Variants in DIPK2B observed in about 807,000 individuals in gnomAD.
DIPK2B encodes UPF0672 protein CXorf36.
DIPK2B carries 15 observed loss-of-function variants against 22.2 expected under a neutral mutation model. That is an observed-to-expected ratio of 0.68 (90% confidence interval 0.45 to 1.04). DIPK2B has a LOEUF of 1.04. DIPK2B is among the 50% of genes least tolerant of loss of function. DIPK2B has a pLI of 0.00. For synonymous variants in DIPK2B, 163 were observed against 153.2 expected (o/e 1.06, Z -0.47); for missense variants, 345 against 348.3 (o/e 0.99, Z 0.08).
intron 4 of DIPK2B, 115 bp from the exon 5 acceptor site, chrX:45,152,107 C>T: frequency 1.4e-6 from 1 of 692,293 alleles, no homozygotes; most frequent in Non-Finnish European, 2.1e-6. Context: ...CCTGTAATCC[C>T]AGCACTTTGG....
intron 1 of DIPK2B, among the ~76,000 whole-genome samples, chrX:45,194,722 T>C (rs915344058): frequency 9.0e-6 from 1 of 111,518 alleles, no homozygotes; most frequent in South Asian, 3.8e-4. Flanking sequence ...GATGAGAAAA[T>C]TGAAAAGAGA....
chrX:45,158,258 C>A (rs2047006051), intron 2 of DIPK2B, among the ~76,000 whole-genome samples: 2 of 109,892 alleles, frequency 1.8e-5, no homozygotes, highest in Admixed American at 9.6e-5. Context: ...CAGGAGGGCA[C>A]TGGGCAGGCT....
At chrX:45,169,895 A>G (rs5952705) in intron 2 of DIPK2B, among the ~76,000 whole-genome samples, 33,509 of 110,329 alleles carry the variant, frequency 0.3, 4,560 homozygotes, top group African/African-American at 0.52. Context: ...AGGCTTAATG[A>G]ACACAAAGCA....
intron 2 of DIPK2B, among the ~76,000 whole-genome samples, chrX:45,184,195 G>A (rs1042312966): frequency 2.7e-5 from 3 of 111,304 alleles, no homozygotes; most frequent in Admixed American, 9.6e-5. Flanking sequence ...GTGTATGGGA[G>A]GGCATATGTC....
At chrX:45,161,982 A>G (rs2047024873) in intron 2 of DIPK2B, among the ~76,000 whole-genome samples, 1 of 112,089 alleles carries the variant, frequency 8.9e-6, no homozygotes. Context: ...AAGATGCAAA[A>G]ACATTAAGCC....
intron 2 of DIPK2B, among the ~76,000 whole-genome samples, chrX:45,167,563 AT>A (rs1317734971): frequency 1.1e-4 from 12 of 109,404 alleles, no homozygotes; most frequent in African/African-American, 3.7e-4. Context: ...CAGTACATGA[AT>A]TTTTTTTCTT....
chrX:45,173,135 A>T (rs1392203582), intron 2 of DIPK2B, among the ~76,000 whole-genome samples: 1 of 111,959 alleles, frequency 8.9e-6, no homozygotes, highest in Non-Finnish European at 1.9e-5. Context: ...TTTTGACTTT[A>T]TACAGTCATG....
chrX:45,191,821 C>T lies in DIPK2B; in HGVS notation c.428G>A (p.Arg143His), dbSNP rs144500092. Reference sequence around the variant, plus strand: ...GAACCTCTCTGTTTTCCGCAGGACACGCTCAATGCTGCAGGTCTTTGGGGC... The same window carrying T: ...GAACCTCTCTGTTTTCCGCAGGACATGCTCAATGCTGCAGGTCTTTGGGGC... ...ASAPKTCSIE[R>H]VLRKTERFQK... Residue 143 changes from arginine to histidine, a missense_variant, in exon 2 of 5, where the codon CGT becomes CAT. Coordinates refer to ENST00000398000, the MANE Select transcript of DIPK2B (RefSeq NM_176819.4). 1.7e-5 allele frequency: 21 copies of T among 1,210,583 alleles called. No homozygotes were observed. Among genetic ancestry groups the T allele is most frequent in the African/African-American group, 5.2e-5 (3 of 57,341 alleles).
In DIPK2B at chrX:45,157,884, A is replaced by G. The variant is rs1327176846; in HGVS notation, c.503T>C (p.Leu168Pro). 7 of 1,126,042 alleles carry G rather than the reference A, an allele frequency of 6.2e-6. No homozygotes were observed. The highest frequency in any genetic ancestry group is 1.8e-5 in the African/African-American group (1 of 54,127). 92.8% of individuals were successfully genotyped at this position (1,126,042 alleles called of 1,213,427 possible). A position where few individuals can be genotyped will look rare whatever the true frequency, so the allele number is the denominator to read the frequency against. Reference protein sequence around the residue: ...KRLTPDLVQGLASPLLRCPSQ... With the variant: ...KRLTPDLVQGPASPLLRCPSQ... ...AGGGCAGCGCAGGAGCGGGCTGGCC[A>G]GGCCCTACGCGCAGGTGGGAGAGAG... The change falls in exon 3 of 5, where the codon CTG becomes CCG. Residue 168 changes from leucine (L) to proline (P), a missense_variant. Coordinates refer to ENST00000398000, the MANE Select transcript of DIPK2B (RefSeq NM_176819.4).
chrX:45,177,916 TTTTC>T (rs1266425745), intron 2 of DIPK2B, among the ~76,000 whole-genome samples: 3 of 111,918 alleles, frequency 2.7e-5, no homozygotes, highest in African/African-American at 9.7e-5. Flanking sequence ...TCATTTATTC[TTTTC>T]TTTATTTCCC....
At chrX:45,197,387 G>A (rs1569545773) in intron 1 of DIPK2B, among the ~76,000 whole-genome samples, 4 of 111,333 alleles carry the variant, frequency 3.6e-5, no homozygotes, top group Admixed American at 9.5e-5. Context: ...ATAGGCGTGC[G>A]CCGCCATGTC....
intron 2 of DIPK2B, among the ~76,000 whole-genome samples, chrX:45,189,613 C>CAACAAACA (rs36017892): frequency 1.7e-4 from 18 of 106,344 alleles, no homozygotes; most frequent in Non-Finnish European, 3.1e-4. Context: ...AACTCTGTCT[C>CAACAAACA]AACAAACAAA....
chrX:45,170,358 C>G (rs1448046898), intron 2 of DIPK2B, among the ~76,000 whole-genome samples: 1 of 111,984 alleles, frequency 8.9e-6, no homozygotes, highest in Non-Finnish European at 1.9e-5. Flanking sequence ...CTGGCACTCA[C>G]CCACCGACTC....
At chrX:45,165,099 G>C (rs756085769) in intron 2 of DIPK2B, among the ~76,000 whole-genome samples, 1 of 111,343 alleles carries the variant, frequency 9.0e-6, no homozygotes, top group African/African-American at 3.3e-5. Context: ...TTCTGGAAAG[G>C]TAGGTCTGAT....
In DIPK2B at chrX:45,150,221, A is replaced by T. The variant is rs1467526791; in HGVS notation, c.*1431T>A. ...AGGTAGGGATTCAGAGGCAGAAAAG[A>T]GGAGGTAGACTGAGAGGTTCCTGGG... is the stretch of plus-strand genomic sequence containing the variant. On this transcript the variant is annotated 3_prime_UTR_variant, in exon 5 of 5. Transcript: ENST00000398000. 3 of 111,470 alleles carry T rather than the reference A, an allele frequency of 2.7e-5. No individual in the cohort carries two copies. Among genetic ancestry groups the T allele is most frequent in the Non-Finnish European group, 5.6e-5 (3 of 53,204 alleles). 9.2% of individuals were successfully genotyped at this position (111,470 alleles called of 1,213,427 possible). A position where few individuals can be genotyped will look rare whatever the true frequency, so the allele number is the denominator to read the frequency against.
At chrX:45,199,652 C>T (rs762362323) in intron 1 of DIPK2B, among the ~76,000 whole-genome samples, 1 of 111,457 alleles carries the variant, frequency 9.0e-6, no homozygotes, top group African/African-American at 3.3e-5. Flanking sequence ...CCTGGGGAAG[C>T]CCTTCCCCAG....
chrX:45,151,304 T>G lies in DIPK2B; in HGVS notation c.*348A>C. ...CCACCTGGGATGGAGGTGGTGAGCA[T>G]GTGTCCCAAGACCCATGCTTGGGAT... On this transcript the variant is annotated 3_prime_UTR_variant, in exon 5 of 5. Transcript: ENST00000398000. 1.1e-5 allele frequency: 2 copies of G among 181,817 alleles called. No individual in the cohort carries two copies. The highest frequency in any genetic ancestry group is 1.0e-5 in the Non-Finnish European group (1 of 98,834). The allele number at this position is 181,817 out of a possible 1,213,427, so 15.0% of individuals were successfully genotyped here.
At chrX:45,163,527 G>A (rs1214440068) in intron 2 of DIPK2B, 4 of 752,514 alleles carry the variant, frequency 5.3e-6, no homozygotes, top group Admixed American at 8.9e-5. Context: ...ACCTGCGATT[G>A]GCTTTCATCC....
intron 2 of DIPK2B, chrX:45,163,133 T>A (rs2047030501): frequency 1.9e-5 from 4 of 212,683 alleles, no homozygotes; most frequent in Non-Finnish European, 2.7e-5. Context: ...ATCTAGGTAA[T>A]CTGGGTGGGC....
Sources: gnomAD v4.1 joint callset for allele counts (sites outside exome capture counted in the v4.1 genomes callset) on GRCh38, gnomAD v4.1.1 for gene constraint, MANE v1.5 for transcripts, NCBI Gene and HGNC (gene_info 2026-07-23, HGNC 2026-07-21) for gene names.